EGLN1: variants seen among roughly 807,000 people sequenced by gnomAD.
The protein encoded by EGLN1 is egl nine homolog 1.
Under a neutral mutation model 38.3 loss-of-function variants are expected in EGLN1, and 17 were observed. The ratio of observed to expected loss-of-function variants is 0.44; its 90% CI spans 0.30 to 0.67. The LOEUF (loss-of-function observed/expected upper bound fraction) is 0.67, where lower values mean the gene tolerates loss of function less well. EGLN1 is among the 30% of genes least tolerant of loss of function. The pLI, the probability that EGLN1 is intolerant of heterozygous loss-of-function variation, is 0.08. For missense variants in EGLN1, 477 were observed against 603.3 expected, an observed-to-expected ratio of 0.79 and a Z score of 2.19; for synonymous variants, 283 against 257.5, an observed-to-expected ratio of 1.10 and a Z score of -0.95.
intron 1 of EGLN1, 144 bp from the exon 2 acceptor site, chr1:231,374,243 C>T (rs991074035): frequency 5.3e-6 from 4 of 754,712 alleles, no homozygotes; most frequent in African/African-American, 3.5e-5. Context: ...TAAGATAAGG[C>T]TATTCTACAT....
At chr1:231,408,028 C>T (rs1229778413) in intron 1 of EGLN1, among the ~76,000 whole-genome samples, 3 of 152,150 alleles carry the variant, frequency 2.0e-5, no homozygotes, top group African/African-American at 7.2e-5. Flanking sequence ...ATGACTAATA[C>T]TGTACGTAAC....
At chr1:231,415,304 A>C (rs1447080672) in intron 1 of EGLN1, among the ~76,000 whole-genome samples, 1 of 151,998 alleles carries the variant, frequency 6.6e-6, no homozygotes, top group Non-Finnish European at 1.5e-5. Context: ...AAATATGCCA[A>C]AATTAGTTAA....
chr1:231,373,695 T>C (rs199732404), intron 2 of EGLN1, among the ~76,000 whole-genome samples: 5 of 138,608 alleles, frequency 3.6e-5, no homozygotes, highest in African/African-American at 1.3e-4. Context: ...TGTGTGTGTG[T>C]GTGTGTGTAT....
intron 1 of EGLN1, among the ~76,000 whole-genome samples, chr1:231,403,767 C>CAAAAAAAA (rs1167705317): frequency 1.6e-4 from 3 of 18,292 alleles, no homozygotes; most frequent in African/African-American, 3.3e-4. Context: ...GACTCCATCT[C>CAAAAAAAA]AAAAAAAAAA....
intron 2 of EGLN1, among the ~76,000 whole-genome samples, chr1:231,373,266 T>C (rs1687873529): frequency 6.6e-6 from 1 of 152,136 alleles, no homozygotes; most frequent in Non-Finnish European, 1.5e-5. Flanking sequence ...AACAACTCAA[T>C]GCCATATAAT....
intron 1 of EGLN1, among the ~76,000 whole-genome samples, chr1:231,407,801 G>A (rs1210234306): frequency 2.0e-5 from 3 of 152,054 alleles, no homozygotes; most frequent in Non-Finnish European, 4.4e-5. Context: ...AATAGTGCAA[G>A]CCATGCTGAC....
chr1:231,376,166 AGT>A (rs1226973581), intron 1 of EGLN1, among the ~76,000 whole-genome samples: 3 of 152,218 alleles, frequency 2.0e-5, no homozygotes, highest in African/African-American at 7.2e-5. Context: ...CTGTGATTTC[AGT>A]TACCTTTGGT....
intron 3 of EGLN1, among the ~76,000 whole-genome samples, chr1:231,368,723 G>C (rs1038017216): frequency 1.3e-5 from 2 of 152,144 alleles, no homozygotes; most frequent in Non-Finnish European, 2.9e-5. Context: ...CATACAGCCA[G>C]TAATATGACA....
At chr1:231,368,986 G>A (rs1687742192) in intron 3 of EGLN1, among the ~76,000 whole-genome samples, 1 of 152,076 alleles carries the variant, frequency 6.6e-6, no homozygotes, top group Non-Finnish European at 1.5e-5. Flanking sequence ...TTTTGCCCAT[G>A]CCCTAAACTT....
chr1:231,400,956 G>T (rs1422613826), intron 1 of EGLN1, among the ~76,000 whole-genome samples: 3 of 152,072 alleles, frequency 2.0e-5, no homozygotes, highest in African/African-American at 7.2e-5. Flanking sequence ...AGCTGAGATG[G>T]GAGGATCATT....
At position 231,363,806 on chromosome 1, in the gene EGLN1, T is replaced by C. The variant is rs1322028120; in HGVS notation, c.*2605A>G. 4 of 152,238 alleles carry C rather than the reference T, an allele frequency of 2.6e-5. No individual in the cohort carries two copies. Among genetic ancestry groups the C allele is most frequent in the Non-Finnish European group, 5.9e-5 (4 of 68,044 alleles). 9.4% of individuals were successfully genotyped at this position (152,238 alleles called of 1,614,324 possible). On this transcript the variant is annotated 3_prime_UTR_variant, in exon 5 of 5. Coordinates refer to ENST00000366641, the MANE Select transcript of EGLN1 (RefSeq NM_022051.3). ...TAATTAGATTAGCTTTACAAGCAACTTGAGAGCTCTTTCATAATGAAACAC... is the reference window on the plus strand; with the variant it reads ...TAATTAGATTAGCTTTACAAGCAACCTGAGAGCTCTTTCATAATGAAACAC...
intron 3 of EGLN1, among the ~76,000 whole-genome samples, chr1:231,370,047 T>C (rs769902123): frequency 2.6e-5 from 4 of 152,214 alleles, no homozygotes; most frequent in Non-Finnish European, 5.9e-5. Context: ...AATAGGATCA[T>C]TTTTCTAACA....
intron 1 of EGLN1, among the ~76,000 whole-genome samples, chr1:231,391,092 TTGTGTGTGTG>T (rs763284659): frequency 2.8e-4 from 19 of 67,364 alleles, no homozygotes; most frequent in East Asian, 1.2e-3. Context: ...TGTTTTTTTT[TTGTGTGTGTG>T]TGTGTGTGTG....
rs114034719 is a variant in EGLN1, at chr1:231,404,298, A to G, written c.891+16700T>C. ...CTACATATTTTATAATGGCCACTTA[A>G]AAGACATTATTAAGGGTAAATAAGC... On this transcript the variant is annotated intron_variant, in intron 1 of 4. Transcript: ENST00000366641. 3.4e-3 allele frequency among the ~76,000 whole-genome samples: 521 copies of G among 152,302 alleles called. 4 individuals are homozygous for G. The highest frequency in any genetic ancestry group is 0.012 in the African/African-American group (485 of 41,568).
chr1:231,414,755 ACAGGCTCTCGCT>A, intron 1 of EGLN1, among the ~76,000 whole-genome samples: 1 of 109,780 alleles, frequency 9.1e-6, no homozygotes, highest in African/African-American at 3.8e-5. Flanking sequence ...TTTTTTTGAG[ACAGGCTCTCGCT>A]GTCACCCAGG....
At chr1:231,400,013 C>T (rs972908137) in intron 1 of EGLN1, among the ~76,000 whole-genome samples, 3 of 151,910 alleles carry the variant, frequency 2.0e-5, no homozygotes, top group African/African-American at 7.2e-5. Flanking sequence ...CTTTTAGAAG[C>T]CTTGGGGAAA....
At chr1:231,388,156 A>T (rs1485254469) in intron 1 of EGLN1, among the ~76,000 whole-genome samples, 6 of 152,230 alleles carry the variant, frequency 3.9e-5, no homozygotes, top group Admixed American at 3.9e-4. Flanking sequence ...ATGGGCCATA[A>T]AACAAAAATT....
At chr1:231,411,956 G>A (rs1688960545) in intron 1 of EGLN1, among the ~76,000 whole-genome samples, 1 of 122,814 alleles carries the variant, frequency 8.1e-6, no homozygotes, top group African/African-American at 3.1e-5. Flanking sequence ...AGGTTGCAGT[G>A]AACCAAGACC....
chr1:231,417,826 C>T (rs1387251307), intron 1 of EGLN1, among the ~76,000 whole-genome samples: 1 of 152,086 alleles, frequency 6.6e-6, no homozygotes, highest in African/African-American at 2.4e-5. Flanking sequence ...CTGAATGGGC[C>T]ACAGACTATC....
Sources: gnomAD v4.1 joint callset for allele counts (sites outside exome capture counted in the v4.1 genomes callset) on GRCh38, gnomAD v4.1.1 for gene constraint, MANE v1.5 for transcripts, NCBI Gene and HGNC (gene_info 2026-07-23, HGNC 2026-07-21) for gene names.